The following ITGA1 variants were observed in gnomAD, a reference collection of about 807,000 sequenced individuals.
ITGA1 encodes the protein integrin alpha-1.
ITGA1 carries 85 observed loss-of-function variants against 145.9 expected under a neutral mutation model. That is an observed-to-expected ratio of 0.58 (90% confidence interval 0.49 to 0.70). The LOEUF is 0.70. ITGA1 is among the 30% of genes least tolerant of loss of function. The probability of loss-of-function intolerance (pLI) is 0.00; values close to 1 mark genes in which losing one functional copy is unlikely to be tolerated. For missense variants in ITGA1, 1,351 were observed against 1,418.7 expected, an observed-to-expected ratio of 0.95 and a Z score of 0.77; for synonymous variants, 520 against 495.3, an observed-to-expected ratio of 1.05 and a Z score of -0.66.
intron 2 of ITGA1, among the ~76,000 whole-genome samples, chr5:52,854,276 C>G (rs904638544): frequency 1.3e-4 from 20 of 152,132 alleles, no homozygotes; most frequent in African/African-American, 4.8e-4. Context: ...AAAAAAGAAT[C>G]CCTGCTAATG....
intron 1 of ITGA1, among the ~76,000 whole-genome samples, chr5:52,825,433 C>T (rs774488561): frequency 2.1e-4 from 32 of 152,150 alleles, no homozygotes; most frequent in Non-Finnish European, 7.3e-5. Context: ...GTAATTCTCG[C>T]AATTTCAAAA....
intron 1 of ITGA1, among the ~76,000 whole-genome samples, chr5:52,810,972 T>C (rs1015192900): frequency 3.9e-5 from 6 of 152,224 alleles, no homozygotes; most frequent in African/African-American, 1.4e-4. Flanking sequence ...TATGTTCTTC[T>C]GGATGAATTA....
chr5:52,910,552 T>G, intron 14 of ITGA1, 133 bp downstream of exon 14: 1 of 917,938 alleles, frequency 1.1e-6, no homozygotes, highest in Middle Eastern at 3.4e-4. Flanking sequence ...TTAATTCTCT[T>G]TAAGTGTTTT....
rs1481323171 is a variant in ITGA1 at position 52,947,473 on chromosome 5, A to C, written c.3495+12A>C. 6.6e-7 allele frequency: 1 copy of C among 1,518,628 alleles called. No individual in the cohort carries two copies. Among genetic ancestry groups the C allele is most frequent in the Non-Finnish European group, 9.1e-7 (1 of 1,093,234 alleles). The allele number at this position is 1,518,628 out of a possible 1,614,324, so 94.1% of individuals were successfully genotyped here. ...TAGCACTGTGGAAGGTAAACACCAA[A>C]ATTCCTTTGACTCTCTACTTCAATC... is the stretch of plus-strand genomic sequence containing the variant. On this transcript the variant is annotated intron_variant, in intron 28 of 28. Coordinates refer to ENST00000282588, the MANE Select transcript of ITGA1 (RefSeq NM_181501.2).
intron 1 of ITGA1, among the ~76,000 whole-genome samples, chr5:52,836,156 G>A (rs1003997215): frequency 1.2e-4 from 19 of 152,014 alleles, no homozygotes; most frequent in African/African-American, 4.6e-4. Context: ...ATTTACTTCC[G>A]TATTTATTAA....
intron 1 of ITGA1, among the ~76,000 whole-genome samples, chr5:52,811,640 G>A (rs1242642840): frequency 1.3e-5 from 2 of 152,098 alleles, no homozygotes; most frequent in Non-Finnish European, 2.9e-5. Flanking sequence ...ATATAGGGTG[G>A]TAGGACAATT....
intron 8 of ITGA1, among the ~76,000 whole-genome samples, chr5:52,891,937 A>T (rs1362566138): frequency 6.6e-6 from 1 of 152,116 alleles, no homozygotes; most frequent in Non-Finnish European, 1.5e-5. Context: ...TACATTAAAA[A>T]CTAATTTTTT....
intron 1 of ITGA1, chr5:52,799,944 C>T (rs952474087): frequency 1.7e-4 from 31 of 185,844 alleles, no homozygotes; most frequent in Non-Finnish European, 4.6e-5. Context: ...AAGGACTCGC[C>T]ACCACTCTGT....
intron 6 of ITGA1, among the ~76,000 whole-genome samples, chr5:52,873,739 G>A (rs1749821888): frequency 6.6e-6 from 1 of 152,180 alleles, no homozygotes; most frequent in Non-Finnish European, 1.5e-5. Context: ...CAGACATAAA[G>A]CCTGAGCTCT....
intron 24 of ITGA1, among the ~76,000 whole-genome samples, chr5:52,938,640 A>G (rs1198092408): frequency 6.6e-6 from 1 of 152,212 alleles, no homozygotes; most frequent in Non-Finnish European, 1.5e-5. Context: ...AACTTTTGTC[A>G]AGGATATTGA....
intron 7 of ITGA1, 123 bp downstream of exon 7, chr5:52,882,144 G>T: frequency 1.3e-6 from 1 of 779,248 alleles, no homozygotes; most frequent in Non-Finnish European, 1.9e-6. Context: ...TGTTTAAAAT[G>T]AGATTCAGAA....
intron 3 of ITGA1, 40 bp from the exon 4 acceptor site, chr5:52,864,723 G>T: frequency 7.7e-7 from 1 of 1,304,076 alleles, no homozygotes; most frequent in South Asian, 1.2e-5. Flanking sequence ...TTCACTTTGT[G>T]AAACTTTTCC....
At chr5:52,855,380 G>T (rs950102600) in intron 2 of ITGA1, among the ~76,000 whole-genome samples, 6 of 152,220 alleles carry the variant, frequency 3.9e-5, no homozygotes, top group Admixed American at 3.9e-4. Context: ...CCTCTTGGCT[G>T]GTCACATAAG....
At chr5:52,922,981 CAAAG>C in intron 18 of ITGA1, 94 bp downstream of exon 18, 1 of 677,600 alleles carries the variant, frequency 1.5e-6, no homozygotes, top group Non-Finnish European at 2.5e-6. Flanking sequence ...GCATTGATCA[CAAAG>C]AACGAACAAC....
At chr5:52,877,336 A>G (rs769937948) in intron 6 of ITGA1, among the ~76,000 whole-genome samples, 2 of 152,154 alleles carry the variant, frequency 1.3e-5, no homozygotes, top group Admixed American at 6.5e-5. Context: ...GTTCAAAGCA[A>G]TGATGTCTGG....
chr5:52,842,475 GA>G (rs1749269052), intron 1 of ITGA1, among the ~76,000 whole-genome samples: 1 of 152,102 alleles, frequency 6.6e-6, no homozygotes, highest in African/African-American at 2.4e-5. Context: ...TCTTTTGAAA[GA>G]AAAATCAACT....
At chr5:52,853,099 C>T (rs974602626) in intron 2 of ITGA1, among the ~76,000 whole-genome samples, 5 of 152,128 alleles carry the variant, frequency 3.3e-5, no homozygotes, top group Non-Finnish European at 2.9e-5. Context: ...ATATCAGAAA[C>T]CTAAATCTCA....
chr5:52,934,066 G>A (rs1750930980), intron 23 of ITGA1, 70 bp downstream of exon 23: 3 of 497,902 alleles, frequency 6.0e-6, no homozygotes, highest in Non-Finnish European at 1.0e-5. Flanking sequence ...AGTATTAACA[G>A]ACACATAAAA....
chr5:52,925,545 T>C, intron 19 of ITGA1, 58 bp downstream of exon 19: 1 of 1,254,090 alleles, frequency 8.0e-7, no homozygotes, highest in Non-Finnish European at 1.2e-6. Context: ...TGGCCTACTT[T>C]TCATGCTACT....
Sources: allele counts gnomAD v4.1 joint callset (sites outside exome capture counted in the v4.1 genomes callset), GRCh38; gene constraint gnomAD v4.1.1; transcripts MANE v1.5; gene names NCBI Gene and HGNC (gene_info 2026-07-23, HGNC 2026-07-21).